Variants in PRR16 observed in about 807,000 individuals in gnomAD.
The protein encoded by PRR16 is protein Largen.
In PRR16, 6 loss-of-function variants were observed where a neutral mutation model predicts 18.2. The observed-to-expected ratio is 0.33, with a 90% CI of 0.18 to 0.65. The LOEUF (loss-of-function observed/expected upper bound fraction) is 0.65, where lower values mean the gene tolerates loss of function less well. Ranked by LOEUF, PRR16 falls within the 30% of genes least tolerant of loss-of-function variation. The pLI, the probability that PRR16 is intolerant of heterozygous loss-of-function variation, is 0.74. For missense variants in PRR16, 412 were observed against 376.6 expected, an observed-to-expected ratio of 1.09 and a Z score of -0.78; for synonymous variants, 151 against 147.8, an observed-to-expected ratio of 1.02 and a Z score of -0.16.
chr5:120,475,821 G>A (rs1031900934), intron 1 of PRR16, among the ~76,000 whole-genome samples: 1 of 152,084 alleles, frequency 6.6e-6, no homozygotes, highest in Non-Finnish European at 1.5e-5. Context: ...AGATAAAATA[G>A]TCAGCAAAAC....
In PRR16 at chr5:120,687,120, A is replaced by C. The variant is rs1757151612; in HGVS notation, c.*411A>C. On this transcript the variant is annotated 3_prime_UTR_variant, in exon 2 of 2. Transcript: ENST00000407149. The stretch of plus-strand genomic sequence containing the variant: ...TACTAGGAAATTTTAATACTGAAGG[A>C]CTATTTTATTATTTTTTTCTAAAGA... 1 of 154,000 alleles carries C rather than the reference A, an allele frequency of 6.5e-6. No homozygotes were observed. Among genetic ancestry groups the C allele is most frequent in the Non-Finnish European group, 1.4e-5 (1 of 69,078 alleles). 9.5% of individuals were successfully genotyped at this position (154,000 alleles called of 1,614,324 possible).
At chr5:120,642,237 C>G (rs1755444824) in intron 1 of PRR16, among the ~76,000 whole-genome samples, 1 of 149,308 alleles carries the variant, frequency 6.7e-6, no homozygotes, top group African/African-American at 2.5e-5. Flanking sequence ...CTGTAATTTC[C>G]CTGTTAAAAT....
chr5:120,709,402 C>T, the PRR16 span, among the ~76,000 whole-genome samples: 147 of 152,208 alleles, frequency 9.7e-4, 1 homozygote, highest in African/African-American at 3.3e-3. Context: ...GTACATGTGA[C>T]ATTTTGATAC....
At chr5:120,782,809 A>C in the PRR16 span, among the ~76,000 whole-genome samples, 1 of 152,130 alleles carries the variant, frequency 6.6e-6, no homozygotes, top group Admixed American at 6.5e-5. Context: ...AACTAATGTT[A>C]ATGTATATAA....
chr5:120,788,103 G>A, the PRR16 span, among the ~76,000 whole-genome samples: 145 of 151,820 alleles, frequency 9.6e-4, 1 homozygote, highest in East Asian at 0.024. Context: ...ACCTTTTGTA[G>A]GCTCACTACC....
chr5:120,690,844 G>A (rs1757200648), downstream of PRR16, among the ~76,000 whole-genome samples: 1 of 151,936 alleles, frequency 6.6e-6, no homozygotes, highest in Non-Finnish European at 1.5e-5. Context: ...GAAGCACTTG[G>A]ATTTATCATT....
chr5:120,522,749 G>A (rs955565635), intron 1 of PRR16, among the ~76,000 whole-genome samples: 1 of 152,006 alleles, frequency 6.6e-6, no homozygotes, highest in Non-Finnish European at 1.5e-5. Context: ...GGGACTACAG[G>A]CGCCCGCCAC....
chr5:120,785,173 T>G, the PRR16 span, among the ~76,000 whole-genome samples: 1 of 152,292 alleles, frequency 6.6e-6, no homozygotes, highest in South Asian at 2.1e-4. Context: ...TAAGGCAGTA[T>G]TGGTTATTTT....
intron 1 of PRR16, among the ~76,000 whole-genome samples, chr5:120,632,051 C>T (rs1428223485): frequency 6.6e-6 from 1 of 152,190 alleles, no homozygotes; most frequent in Non-Finnish European, 1.5e-5. Flanking sequence ...AGACGGATCA[C>T]ATCACAGGAC....
At chr5:120,566,174 A>AT (rs960632515) in intron 1 of PRR16, among the ~76,000 whole-genome samples, 2 of 152,018 alleles carry the variant, frequency 1.3e-5, no homozygotes, top group African/African-American at 4.8e-5. Flanking sequence ...GCCCAGCCCC[A>AT]TTTTTTCTGT....
At chr5:120,623,290 A>T (rs1475506159) in intron 1 of PRR16, among the ~76,000 whole-genome samples, 1 of 152,076 alleles carries the variant, frequency 6.6e-6, no homozygotes, top group South Asian at 2.1e-4. Context: ...CCACTCCTAG[A>T]TTTTTCTTGG....
At chr5:120,502,368 A>ATT (rs570137541) in intron 1 of PRR16, among the ~76,000 whole-genome samples, 58 of 131,528 alleles carry the variant, frequency 4.4e-4, no homozygotes, top group African/African-American at 1.6e-3. Flanking sequence ...TATTTTATAT[A>ATT]TTATATATAT....
At chr5:120,468,088 G>A (rs1169638225) in intron 1 of PRR16, among the ~76,000 whole-genome samples, 1 of 152,240 alleles carries the variant, frequency 6.6e-6, no homozygotes, top group South Asian at 2.1e-4. Context: ...TGGGGAAATC[G>A]AGAATTGAGA....
intron 1 of PRR16, among the ~76,000 whole-genome samples, chr5:120,465,175 G>A (rs911973026): frequency 6.6e-6 from 1 of 152,128 alleles, no homozygotes. Context: ...CTCGAGCCTC[G>A]CTGTAGGGAA....
At chr5:120,776,673 A>G in the PRR16 span, among the ~76,000 whole-genome samples, 1 of 152,068 alleles carries the variant, frequency 6.6e-6, no homozygotes, top group Non-Finnish European at 1.5e-5. Flanking sequence ...TTATTTCAAA[A>G]CAGAGAGATA....
At chr5:120,680,912 T>C (rs1328155386) in intron 1 of PRR16, among the ~76,000 whole-genome samples, 1 of 152,192 alleles carries the variant, frequency 6.6e-6, no homozygotes, top group African/African-American at 2.4e-5. Context: ...TAAATTATGT[T>C]TTATTTATTT....
chr5:120,626,807 A>G (rs1226878577), intron 1 of PRR16, among the ~76,000 whole-genome samples: 2 of 152,184 alleles, frequency 1.3e-5, no homozygotes, highest in Non-Finnish European at 2.9e-5. Context: ...AACATCTAGC[A>G]TAAAAAATAA....
intron 1 of PRR16, among the ~76,000 whole-genome samples, chr5:120,565,558 G>A (rs1322265881): frequency 3.9e-5 from 6 of 152,110 alleles, no homozygotes; most frequent in Non-Finnish European, 7.4e-5. Context: ...AGGTGACCTG[G>A]AAAAATCATA....
chr5:120,690,899 G>C (rs1462124779), downstream of PRR16, among the ~76,000 whole-genome samples: 1 of 152,014 alleles, frequency 6.6e-6, no homozygotes, highest in Non-Finnish European at 1.5e-5. Flanking sequence ...ACATAAAGAA[G>C]CTTTACAAAT....
Sources: gnomAD v4.1 joint callset for allele counts (sites outside exome capture counted in the v4.1 genomes callset) on GRCh38, gnomAD v4.1.1 for gene constraint, MANE v1.5 for transcripts, NCBI Gene and HGNC (gene_info 2026-07-23, HGNC 2026-07-21) for gene names.